Variants in SPTLC1 observed in about 807,000 individuals in gnomAD.
The protein encoded by SPTLC1 is serine palmitoyltransferase long chain base subunit 1, also known as serine palmitoyltransferase 1.
In SPTLC1, 55 loss-of-function variants were observed where a neutral mutation model predicts 68.9. The ratio of observed to expected loss-of-function variants is 0.80; its 90% CI spans 0.64 to 1.00. SPTLC1 has a LOEUF of 1.00. SPTLC1 is among the 50% of genes least tolerant of loss of function. The probability of loss-of-function intolerance (pLI) is 0.00; values close to 1 mark genes in which losing one functional copy is unlikely to be tolerated. For synonymous variants in SPTLC1, 197 were observed against 201.6 expected (o/e 0.98, Z 0.19); for missense variants, 449 against 573.1 (o/e 0.78, Z 2.21).
At chr9:92,104,454 G>A (rs4641129) in intron 3 of SPTLC1, 57,477 of 1,388,920 alleles carry the variant, frequency 0.041, 3,383 homozygotes, top group East Asian at 0.26. Context: ...CTCGGAACAC[G>A]GGCACCCCAC....
At chr9:92,093,542 T>G (rs1461494705) in intron 3 of SPTLC1, among the ~76,000 whole-genome samples, 1 of 151,914 alleles carries the variant, frequency 6.6e-6, no homozygotes, top group Non-Finnish European at 1.5e-5. Flanking sequence ...CATAAAAAAC[T>G]CAACGAAATC....
intron 3 of SPTLC1, among the ~76,000 whole-genome samples, chr9:92,105,764 C>T (rs1221719510): frequency 8.0e-5 from 12 of 150,442 alleles, no homozygotes; most frequent in Non-Finnish European, 5.9e-5. Context: ...GCCCAGCCGC[C>T]GCCCTGTCTG....
chr9:92,060,703 G>A lies in SPTLC1; in HGVS notation c.561-1395C>T, dbSNP rs567861431. Among the ~76,000 whole-genome samples the A allele has an allele frequency of 6.7e-5, 10 of 149,884 alleles. No individual in the cohort carries two copies. The East Asian group carries it at 9.8e-4, about 15-fold the overall frequency. Reference sequence around the variant, plus strand: ...GGGTGGATCACGAGGTCAGGAGATCGAGACCATCCTGGCTAACATGGTGAA... The same window carrying A: ...GGGTGGATCACGAGGTCAGGAGATCAAGACCATCCTGGCTAACATGGTGAA... On this transcript the variant is annotated intron_variant, in intron 6 of 14. Transcript: ENST00000262554.
At chr9:92,077,353 G>A (rs62567930) in intron 5 of SPTLC1, among the ~76,000 whole-genome samples, 25,543 of 151,994 alleles carry the variant, frequency 0.17, 2,370 homozygotes, top group Admixed American at 0.21. Flanking sequence ...CACCCTAGCC[G>A]GACGGTCAGT....
At chr9:92,080,788 G>T in intron 4 of SPTLC1, 82 bp downstream of exon 4, 1 of 1,145,910 alleles carries the variant, frequency 8.7e-7, no homozygotes, top group Non-Finnish European at 1.3e-6. Context: ...GATCCACCAC[G>T]CCCAGCCTGC....
intron 12 of SPTLC1, among the ~76,000 whole-genome samples, chr9:92,044,747 G>A (rs79404609): frequency 0.052 from 7,896 of 152,258 alleles, 264 homozygotes; most frequent in Middle Eastern, 0.065. Flanking sequence ...GTCTACAGGA[G>A]GGAAGACTGG....
At chr9:92,063,277 A>G (rs1482589058) in intron 6 of SPTLC1, among the ~76,000 whole-genome samples, 1 of 152,184 alleles carries the variant, frequency 6.6e-6, no homozygotes, top group Non-Finnish European at 1.5e-5. Context: ...TAAGAAATGG[A>G]CCAATTCCTT....
chr9:92,063,631 CT>C (rs1458527015), intron 6 of SPTLC1, among the ~76,000 whole-genome samples: 1 of 151,796 alleles, frequency 6.6e-6, no homozygotes, highest in Non-Finnish European at 1.5e-5. Context: ...TCGAATTTAG[CT>C]TTTTATAAAA....
At chr9:92,106,533 G>T (rs976785975) in intron 3 of SPTLC1, among the ~76,000 whole-genome samples, 2 of 150,158 alleles carry the variant, frequency 1.3e-5, no homozygotes, top group Non-Finnish European at 3.0e-5. Flanking sequence ...GCCTGCCCCT[G>T]CTGTCTCCAC....
At chr9:92,069,909 T>C (rs1209235155) in intron 5 of SPTLC1, among the ~76,000 whole-genome samples, 1 of 152,236 alleles carries the variant, frequency 6.6e-6, no homozygotes, top group Non-Finnish European at 1.5e-5. Flanking sequence ...TAAATCATTC[T>C]GTAGACTTCT....
intron 3 of SPTLC1, among the ~76,000 whole-genome samples, chr9:92,081,908 C>T (rs1047958892): frequency 6.6e-6 from 1 of 152,168 alleles, no homozygotes; most frequent in African/African-American, 2.4e-5. Flanking sequence ...TGAGAAAACA[C>T]AGATGCTGGG....
intron 10 of SPTLC1, among the ~76,000 whole-genome samples, 169 bp downstream of exon 10, chr9:92,047,444 G>C (rs1413525654): frequency 6.6e-6 from 1 of 152,152 alleles, no homozygotes; most frequent in Non-Finnish European, 1.5e-5. Flanking sequence ...TTTGTTAAAT[G>C]TGAGATCATT....
intron 12 of SPTLC1, among the ~76,000 whole-genome samples, chr9:92,045,524 TAAAAAAAAAA>T (rs71362367): frequency 1.6e-4 from 5 of 31,638 alleles, no homozygotes; most frequent in South Asian, 1.2e-3. Context: ...TCTTGTGTAG[TAAAAAAAAAA>T]AAAAAAAAAA....
chr9:92,086,880 C>T (rs1224232040), intron 3 of SPTLC1, among the ~76,000 whole-genome samples: 1 of 152,202 alleles, frequency 6.6e-6, no homozygotes, highest in African/African-American at 2.4e-5. Context: ...TCAGGTGCAC[C>T]AATCAGACGT....
intron 5 of SPTLC1, among the ~76,000 whole-genome samples, chr9:92,075,422 C>G (rs1411090826): frequency 6.6e-6 from 1 of 152,142 alleles, no homozygotes; most frequent in African/African-American, 2.4e-5. Context: ...TTCCCTCGCC[C>G]CTCCTTTTAC....
intron 3 of SPTLC1, among the ~76,000 whole-genome samples, chr9:92,101,128 C>T (rs565119031): frequency 1.3e-5 from 2 of 151,986 alleles, no homozygotes; most frequent in South Asian, 4.2e-4. Context: ...TTTCAAATTG[C>T]CTTAAAAGGA....
chr9:92,113,152 C>T (rs1246942088), intron 1 of SPTLC1, among the ~76,000 whole-genome samples: 1 of 152,132 alleles, frequency 6.6e-6, no homozygotes, highest in South Asian at 2.1e-4. Context: ...CCAATATTAA[C>T]CATCGGATTA....
intron 5 of SPTLC1, among the ~76,000 whole-genome samples, chr9:92,070,469 G>A (rs1296040536): frequency 2.6e-5 from 4 of 152,150 alleles, no homozygotes; most frequent in South Asian, 4.1e-4. Context: ...TATTAAACAC[G>A]GCAGAGAAGT....
intron 12 of SPTLC1, among the ~76,000 whole-genome samples, chr9:92,045,647 A>C (rs1409209189): frequency 6.6e-6 from 1 of 151,906 alleles, no homozygotes; most frequent in Non-Finnish European, 1.5e-5. Context: ...TCATCTAATT[A>C]CATAATATAT....
Sources: allele counts gnomAD v4.1 joint callset (sites outside exome capture counted in the v4.1 genomes callset), GRCh38; gene constraint gnomAD v4.1.1; transcripts MANE v1.5; gene names NCBI Gene and HGNC (gene_info 2026-07-23, HGNC 2026-07-21).